The following COL4A6 variants were observed in gnomAD, a reference collection of about 807,000 sequenced individuals.
The protein encoded by COL4A6 is collagen alpha-6(IV) chain.
Under a neutral mutation model 126.7 loss-of-function variants are expected in COL4A6, and 59 were observed. The observed-to-expected ratio is 0.47, with a 90% CI of 0.38 to 0.58. The LOEUF is 0.58. COL4A6 is among the 20% of genes least tolerant of loss of function. COL4A6 has a pLI of 0.00. For synonymous variants in COL4A6, 547 were observed against 496.6 expected (o/e 1.10, Z -1.35); for missense variants, 1,285 against 1,337.3 (o/e 0.96, Z 0.61).
chrX:108,413,009 G>C (rs2032764787), intron 2 of COL4A6, among the ~76,000 whole-genome samples: 1 of 112,152 alleles, frequency 8.9e-6, no homozygotes, highest in Non-Finnish European at 1.9e-5. Context: ...GCTCTTGTTT[G>C]AAGAAAGCTG....
At chrX:108,192,358 C>T in intron 18 of COL4A6, 115 bp downstream of exon 18, 1 of 489,705 alleles carries the variant, frequency 2.0e-6, no homozygotes, top group South Asian at 3.9e-5. Context: ...TACAGTCTAC[C>T]TCTTGTTTGA....
At chrX:108,168,625 A>C (rs2034203385) in intron 37 of COL4A6, among the ~76,000 whole-genome samples, 1 of 112,096 alleles carries the variant, frequency 8.9e-6, no homozygotes, top group South Asian at 3.8e-4. Context: ...CTCGTTCCTC[A>C]TTGATTCCTC....
chrX:108,388,556 G>T (rs994356914), intron 2 of COL4A6, among the ~76,000 whole-genome samples: 2 of 111,298 alleles, frequency 1.8e-5, no homozygotes, highest in African/African-American at 6.6e-5. Flanking sequence ...GGGATTGTTG[G>T]TGATATCCCC....
rs1404401513 is a variant in COL4A6 at position 108,174,429 on chromosome X, G to C, written c.3138+11C>G. ...TTTCTGGTATAAAGACAAAGATCTG[G>C]TCACACTTACACTTTCTCCTGGCAT... On this transcript the variant is annotated intron_variant, in intron 31 of 44. Transcript: ENST00000334504. 5.0e-6 allele frequency: 6 copies of C among 1,209,824 alleles called. No individual in the cohort carries two copies. The Admixed American group carries it at 1.1e-4, about 22-fold the overall frequency.
intron 17 of COL4A6, 51 bp downstream of exon 17, chrX:108,193,577 G>A: frequency 9.9e-7 from 1 of 1,009,311 alleles, no homozygotes; most frequent in Non-Finnish European, 1.4e-6. Context: ...AGGGGATATA[G>A]GATTTAACTT....
intron 2 of COL4A6, among the ~76,000 whole-genome samples, chrX:108,322,599 C>G (rs1347916474): frequency 1.8e-5 from 2 of 111,880 alleles, no homozygotes; most frequent in Non-Finnish European, 3.8e-5. Flanking sequence ...TAAAGTAAAT[C>G]CAACAAGTAA....
chrX:108,254,090 C>T (rs1250190239), intron 3 of COL4A6, among the ~76,000 whole-genome samples: 3 of 111,102 alleles, frequency 2.7e-5, no homozygotes, highest in Non-Finnish European at 5.7e-5. Context: ...TATTTGAGGA[C>T]TAGCTGTGTT....
chrX:108,361,105 C>T (rs2040075902), intron 2 of COL4A6, among the ~76,000 whole-genome samples: 1 of 111,203 alleles, frequency 9.0e-6, no homozygotes, highest in Non-Finnish European at 1.9e-5. Context: ...CCCATGACCC[C>T]TCCATGCAAT....
chrX:108,197,999 C>T (rs1415601806), intron 13 of COL4A6, among the ~76,000 whole-genome samples: 3 of 111,420 alleles, frequency 2.7e-5, no homozygotes, highest in South Asian at 3.8e-4. Flanking sequence ...AGGCATGCTG[C>T]GACTTGGTGG....
rs1240137337 is a variant in COL4A6, at chrX:108,171,865, A to T, written c.3203-404T>A. Among the ~76,000 whole-genome samples the T allele has an allele frequency of 1.2e-4, 13 of 112,500 alleles. No individual in the cohort carries two copies. In the Admixed American group the frequency reaches 1.2e-3, roughly 11 times the overall value. On this transcript the variant is annotated intron_variant, in intron 32 of 44. Coordinates refer to ENST00000334504, the MANE Select transcript of COL4A6 (RefSeq NM_033641.4). ...CCTCGCTGCTAAGTCTGGAAAGCAG[A>T]TGGGCAAAACCACAAAGCCAAAGGA...
At chrX:108,329,877 T>C (rs889724158) in intron 2 of COL4A6, among the ~76,000 whole-genome samples, 1 of 111,225 alleles carries the variant, frequency 9.0e-6, no homozygotes, top group Non-Finnish European at 1.9e-5. Context: ...GGTGACTCTT[T>C]CAGCTTGAGC....
chrX:108,233,728 C>T (rs1045382428), intron 3 of COL4A6, among the ~76,000 whole-genome samples: 1 of 111,867 alleles, frequency 8.9e-6, no homozygotes, highest in East Asian at 2.8e-4. Flanking sequence ...AATGGTAGGG[C>T]CTGCTGGTAC....
intron 2 of COL4A6, among the ~76,000 whole-genome samples, chrX:108,364,156 GCCA>G (rs2040147128): frequency 1.8e-5 from 2 of 110,894 alleles, no homozygotes; most frequent in African/African-American, 6.6e-5. Flanking sequence ...ACAGGTGTGA[GCCA>G]CCACGACTGG....
intron 2 of COL4A6, among the ~76,000 whole-genome samples, chrX:108,427,070 C>A (rs1041907485): frequency 8.9e-6 from 1 of 111,744 alleles, no homozygotes; most frequent in South Asian, 3.7e-4. Context: ...GAGAACTGGA[C>A]GCAAAATAAG....
intron 2 of COL4A6, among the ~76,000 whole-genome samples, chrX:108,343,168 G>A (rs1266110521): frequency 2.4e-3 from 140 of 57,592 alleles, no homozygotes; most frequent in East Asian, 6.4e-3. Context: ...TATATATAGT[G>A]TGTGTGTGTG....
At chrX:108,159,143 C>G (rs2033835314) in intron 44 of COL4A6, among the ~76,000 whole-genome samples, 1 of 111,513 alleles carries the variant, frequency 9.0e-6, no homozygotes, top group Non-Finnish European at 1.9e-5. Flanking sequence ...CCTCACTGTC[C>G]TCCCAGATCT....
Position 108,187,878 on chromosome X carries a change from T to C in COL4A6, c.1737A>G (p.Val579=). Residue 579 remains valine (V), a synonymous_variant, in exon 22 of 45, where the codon GTA becomes GTG. Coordinates refer to ENST00000334504, the MANE Select transcript of COL4A6 (RefSeq NM_033641.4). ...GGCCTGGCAGACCTGGTAAACCTGGTACTCCGTCCTTGCCTGGTTCTCCTA... is the reference window on the plus strand; with the variant it reads ...GGCCTGGCAGACCTGGTAAACCTGGCACTCCGTCCTTGCCTGGTTCTCCTA... ...GVIGEPGKDG[V]PGLPGLPGLP... 1 of 1,208,931 alleles carries C rather than the reference T, an allele frequency of 8.3e-7. No individual in the cohort carries two copies. Among genetic ancestry groups the C allele is most frequent in the Non-Finnish European group, 1.1e-6 (1 of 893,980 alleles).
chrX:108,177,265 C>T (rs2034527257), intron 27 of COL4A6, among the ~76,000 whole-genome samples: 1 of 112,239 alleles, frequency 8.9e-6, no homozygotes, highest in Admixed American at 9.4e-5. Context: ...GAGAGCAAAC[C>T]CCTTCTGATT....
intron 3 of COL4A6, among the ~76,000 whole-genome samples, chrX:108,297,429 C>T (rs2038355196): frequency 1.8e-5 from 2 of 111,135 alleles, no homozygotes; most frequent in South Asian, 3.9e-4. Context: ...TTGTGAGGGG[C>T]TGTCCTGTGC....
Sources: allele counts gnomAD v4.1 joint callset (sites outside exome capture counted in the v4.1 genomes callset), GRCh38; gene constraint gnomAD v4.1.1; transcripts MANE v1.5; gene names NCBI Gene and HGNC (gene_info 2026-07-23, HGNC 2026-07-21).